The following MOK variants were observed in gnomAD, a reference collection of about 807,000 sequenced individuals.
MOK encodes the protein MAPK/MAK/MRK overlapping kinase.
A neutral mutation model predicts 54.2 loss-of-function variants in MOK; 59 were observed. That is an observed-to-expected ratio of 1.09 (90% CI 0.88 to 1.35). The LOEUF is 1.35. MOK is among the 40% of genes most tolerant of loss of function. MOK has a pLI of 0.00. For synonymous variants in MOK, 210 were observed against 202.7 expected, an observed-to-expected ratio of 1.04 and a Z score of -0.31; for missense variants, 517 against 526.2, an observed-to-expected ratio of 0.98 and a Z score of 0.17.
chr14:102,233,638 G>A (rs1423860649), intron 8 of MOK, 50 bp downstream of exon 8: 5 of 1,500,988 alleles, frequency 3.3e-6, no homozygotes, highest in Non-Finnish European at 4.6e-6. Flanking sequence ...CCTGCTGCAG[G>A]TCCTAGCAGG....
chr14:102,269,853 C>T (rs2068213870), intron 2 of MOK, among the ~76,000 whole-genome samples: 1 of 152,146 alleles, frequency 6.6e-6, no homozygotes, highest in African/African-American at 2.4e-5. Flanking sequence ...ACCTTACTCC[C>T]ATAATTGATT....
intron 1 of MOK, among the ~76,000 whole-genome samples, chr14:102,297,269 A>C (rs950386449): frequency 1.3e-5 from 2 of 151,752 alleles, no homozygotes; most frequent in African/African-American, 2.4e-5. Context: ...GAGGCAGGAG[A>C]ATGGCATGAA....
chr14:102,266,306 CCTT>C (rs1158700836), intron 2 of MOK, among the ~76,000 whole-genome samples: 1 of 151,734 alleles, frequency 6.6e-6, no homozygotes, highest in African/African-American at 2.4e-5. Context: ...ACCCACCCCT[CCTT>C]TTTTTTTTTG....
chr14:102,229,944 C>T, intron 10 of MOK: 1 of 409,594 alleles, frequency 2.4e-6, no homozygotes, highest in Admixed American at 4.2e-5. Context: ...CGCCTCCTGC[C>T]TCCTGCTCTA....
At chr14:102,299,581 C>G (rs1230736460) in intron 1 of MOK, among the ~76,000 whole-genome samples, 2 of 152,010 alleles carry the variant, frequency 1.3e-5, no homozygotes, top group Non-Finnish European at 2.9e-5. Flanking sequence ...TGTAACTTCT[C>G]TGGGTTTTTG....
Position 102,294,257 on chromosome 14 carries a change from T to C in MOK, c.8-10665A>G, listed in dbSNP as rs552413786. ...GTCAGGAGATCAACACCATCCTGGC[T>C]AACATGGTGAAACCCCGTCTCTACT... On this transcript the variant is annotated intron_variant, in intron 1 of 11. Coordinates refer to ENST00000361847, the MANE Select transcript of MOK (RefSeq NM_014226.3). 1.5e-3 allele frequency among the ~76,000 whole-genome samples: 231 copies of C among 151,944 alleles called. 1 individual carries two copies. Among genetic ancestry groups the C allele is most frequent in the African/African-American group, 4.1e-3 (171 of 41,474 alleles).
chr14:102,279,852 A>G (rs2069232465), intron 2 of MOK, among the ~76,000 whole-genome samples: 1 of 151,920 alleles, frequency 6.6e-6, no homozygotes, highest in Admixed American at 6.6e-5. Context: ...CTTCATATTA[A>G]CTAAGATTAC....
rs143097719 is a variant in MOK at position 102,278,993 on chromosome 14, A to G, written c.122+4485T>C. Among the ~76,000 whole-genome samples, 244 of 152,346 alleles carry G rather than the reference A, an allele frequency of 1.6e-3. 1 individual carries two copies. Among genetic ancestry groups the G allele is most frequent in the Middle Eastern group, 6.8e-3 (2 of 294 alleles). On this transcript the variant is annotated intron_variant, in intron 2 of 11. Coordinates refer to ENST00000361847, the MANE Select transcript of MOK (RefSeq NM_014226.3). ...CCCTCACAACAATCTTATGGGGTAG[A>G]TACTGTGGTTATCCCCATTGTATAA...
chr14:102,224,676 C>T (rs768891828), downstream of MOK: 6 of 455,828 alleles, frequency 1.3e-5, no homozygotes, highest in African/African-American at 2.0e-5. Context: ...TCAGCTCAGC[C>T]CTCGGTTTAG....
rs10140524 is a variant in MOK, at chr14:102,281,231, G to A, written c.122+2247C>T. ...CCCAGATACTCGGGAGGCTGAGGCA[G>A]GAGAATTGCTTGAACCTGGGAGGCA... On this transcript the variant is annotated intron_variant, in intron 2 of 11. Coordinates refer to ENST00000361847, the MANE Select transcript of MOK (RefSeq NM_014226.3). 6.4e-3 allele frequency among the ~76,000 whole-genome samples: 977 copies of A among 152,124 alleles called. 12 individuals carry two copies. The highest frequency in any genetic ancestry group is 0.023 in the African/African-American group (935 of 41,502).
intron 10 of MOK, chr14:102,229,953 T>TA: frequency 5.1e-6 from 2 of 389,218 alleles, no homozygotes; most frequent in South Asian, 8.4e-5. Flanking sequence ...CCTCCTGCTC[T>TA]AGCTCCAAGG....
downstream of MOK, among the ~76,000 whole-genome samples, chr14:102,220,968 T>C (rs900418620): frequency 1.3e-5 from 2 of 152,080 alleles, no homozygotes; most frequent in Non-Finnish European, 2.9e-5. The surrounding 1 kb of genome is among the most constrained non-coding windows in gnomAD (Gnocchi z 4.2). Flanking sequence ...AGTTTCACCA[T>C]GTTGGCCAGG....
At position 102,265,869 on chromosome 14, in the gene MOK, G is replaced by T; in HGVS notation, c.166C>A (p.Arg56Ser). 2 of 1,613,920 alleles carry T rather than the reference G, an allele frequency of 1.2e-6. No individual in the cohort carries two copies. The highest frequency in any genetic ancestry group is 8.5e-7 in the Non-Finnish European group (1 of 1,179,886). The change falls in exon 3 of 12, where the codon CGC (arginine) becomes AGC (serine). Residue 56 changes from arginine to serine, a missense_variant. Arg to Ser is a moderately radical substitution (Grantham distance 110, BLOSUM62 -1). Transcript: ENST00000361847. ...NNLREIQALRRLNPHPNILML... is the reference protein window; with the variant it reads ...NNLREIQALRSLNPHPNILML... ...AGAATGTTTGGGTGCGGATTCAGGC[G>T]CCTCAGTGCTTGGATCTCTCGTAGG...
At chr14:102,239,440 T>TTCCTCTTACAAAACAGCCCTC (rs1465893626) in intron 7 of MOK, among the ~76,000 whole-genome samples, 1 of 126,920 alleles carries the variant, frequency 7.9e-6, no homozygotes, top group African/African-American at 2.5e-5. Context: ...TCCTTCTGAT[T>TTCCTCTTACAAAACAGCCCTC]CTCAATTAGG....
At chr14:102,224,554 T>A (rs1266905015), downstream of MOK, 1 of 456,074 alleles carries the variant, frequency 2.2e-6, no homozygotes, top group South Asian at 1.5e-5. Flanking sequence ...CTGAAACCTA[T>A]TTCTCTAATT....
At chr14:102,273,549 G>A (rs1391632041) in intron 2 of MOK, among the ~76,000 whole-genome samples, 1 of 152,228 alleles carries the variant, frequency 6.6e-6, no homozygotes, top group East Asian at 1.9e-4. Flanking sequence ...AGGCCAAGGT[G>A]GGCGGATCAC....
rs1043398850 is a variant in MOK, at chr14:102,283,608, A to T, written c.8-16T>A. 2 of 1,517,632 alleles carry T rather than the reference A, an allele frequency of 1.3e-6. No homozygotes were observed. The highest frequency in any genetic ancestry group is 2.8e-5 in the African/African-American group (2 of 72,120). The allele number at this position is 1,517,632 out of a possible 1,614,324, so 94.0% of individuals were successfully genotyped here. On this transcript the variant is annotated splice_polypyrimidine_tract_variant and intron_variant, in intron 1 of 11. Coordinates refer to ENST00000361847, the MANE Select transcript of MOK (RefSeq NM_014226.3). ...GCTTTATAGTCTATAAATAAAAATG[A>T]TTACAAAAATAAAATGTTATTTATG...
rs2065243823 is a variant in MOK at position 102,236,649 on chromosome 14, C to T, written c.591-2860G>A. On this transcript the variant is annotated intron_variant, in intron 7 of 11. Transcript: ENST00000361847. The surrounding 1 kb of genome is among the most constrained non-coding windows in gnomAD (Gnocchi z 4.5). ...GACCCCTCTCCCCAGTACCCACTTC[C>T]CACCTCTTTTGTAAACCCAACAGGG... Among the ~76,000 whole-genome samples, 1 of 151,564 alleles carries T rather than the reference C, an allele frequency of 6.6e-6. No homozygotes were observed. The highest frequency in any genetic ancestry group is 6.6e-5 in the Admixed American group (1 of 15,254).
At chr14:102,253,757 A>G (rs1021785863) in intron 4 of MOK, among the ~76,000 whole-genome samples, 2 of 152,196 alleles carry the variant, frequency 1.3e-5, no homozygotes, top group African/African-American at 4.8e-5. Context: ...TTTAATTTTC[A>G]AAGTGTGTGT....
Sources: allele counts gnomAD v4.1 joint callset (sites outside exome capture counted in the v4.1 genomes callset), GRCh38; gene constraint gnomAD v4.1.1; non-coding constraint Gnocchi (gnomAD v3.1); transcripts MANE v1.5; gene names NCBI Gene and HGNC (gene_info 2026-07-23, HGNC 2026-07-21).